Variants in LRRD1 observed in about 807,000 individuals in gnomAD.
The protein encoded by LRRD1 is leucine-rich repeat and death domain-containing protein 1.
In LRRD1, 49 loss-of-function variants were observed where a neutral mutation model predicts 69.5. That is an observed-to-expected ratio of 0.70 (90% CI 0.56 to 0.89). LRRD1 has a LOEUF of 0.89. LRRD1 is among the 40% of genes least tolerant of loss of function. The pLI, the probability that LRRD1 is intolerant of heterozygous loss-of-function variation, is 0.00. For missense variants in LRRD1, 853 were observed against 956.0 expected (o/e 0.89, Z 1.42); for synonymous variants, 303 against 338.9 (o/e 0.89, Z 1.16).
At chr7:92,177,170 G>C (rs964368423) in intron 1 of LRRD1, among the ~76,000 whole-genome samples, 1 of 150,680 alleles carries the variant, frequency 6.6e-6, no homozygotes, top group Admixed American at 6.6e-5. Context: ...TTATATTACT[G>C]AGTAAATGTA....
intron 1 of LRRD1, among the ~76,000 whole-genome samples, chr7:92,167,015 A>G (rs1008800759): frequency 6.6e-6 from 1 of 152,216 alleles, no homozygotes; most frequent in Non-Finnish European, 1.5e-5. Context: ...ATCCAAGCTC[A>G]TCTACAGTAA....
chr7:92,163,892 G>T lies in LRRD1; in HGVS notation c.1311C>A (p.Ile437=). 1 of 1,528,832 alleles carries T rather than the reference G, an allele frequency of 6.5e-7. No individual in the cohort carries two copies. The highest frequency in any genetic ancestry group is 1.2e-5 in the South Asian group (1 of 80,494). The allele number at this position is 1,528,832 out of a possible 1,614,324, so 94.7% of individuals were successfully genotyped here. Residue 437 remains isoleucine (I), a synonymous_variant, in exon 2 of 6, where the codon ATC becomes ATA. Transcript: ENST00000458448. ...GACTGCATATGTTATTAAGATGTGAGATACAGTCAGTTATTTTTACCATAT... is the reference window on the plus strand; with the variant it reads ...GACTGCATATGTTATTAAGATGTGATATACAGTCAGTTATTTTTACCATAT... The part of the protein sequence containing the change: ...RNNMVKITDC[I]SHLNNICSLE...
intron 1 of LRRD1, among the ~76,000 whole-genome samples, chr7:92,165,898 G>T (rs1383223967): frequency 6.6e-6 from 1 of 151,382 alleles, no homozygotes; most frequent in African/African-American, 2.4e-5. Flanking sequence ...ACATAAAAGG[G>T]AGAGCCAGTG....
At chr7:92,170,948 C>T (rs192113924) in intron 1 of LRRD1, among the ~76,000 whole-genome samples, 2 of 152,172 alleles carry the variant, frequency 1.3e-5, no homozygotes, top group East Asian at 3.9e-4. Flanking sequence ...TCATGAATGA[C>T]CATTGTGTCA....
intron 1 of LRRD1, among the ~76,000 whole-genome samples, chr7:92,169,359 T>C (rs999300685): frequency 2.0e-5 from 3 of 151,780 alleles, no homozygotes; most frequent in African/African-American, 7.3e-5. Context: ...AACAGAAATG[T>C]TGGAACTGAG....
chr7:92,165,729 C>T (rs1000069436), intron 1 of LRRD1, among the ~76,000 whole-genome samples: 9 of 151,862 alleles, frequency 5.9e-5, no homozygotes, highest in African/African-American at 2.2e-4. Flanking sequence ...GATGTGGTAG[C>T]GGGCGCCTGT....
Position 92,150,542 on chromosome 7 carries a change from T to A in LRRD1, c.2270A>T (p.Glu757Val). Residue 757 changes from glutamate (E) to valine (V), a missense_variant, in exon 4 of 6, where the codon GAA (glutamate) becomes GTA (valine). Physicochemically the swap from Glu to Val is moderately radical, Grantham distance 121. This residue lies in a region of LRRD1 where 739 missense variants were observed against 808.0 expected (regional missense o/e 0.91). Coordinates refer to ENST00000458448, the MANE Select transcript of LRRD1 (RefSeq NM_001161528.2). ...AATCACTCATCACCTACCATCTCTT[T>A]CATCTGCCCTCTGTAGATAGCGTGC... ...TIARYLQRAD[E>V]RDEKILEKIF... is the part of the protein sequence containing the mutation. 6.5e-7 allele frequency: 1 copy of A among 1,538,824 alleles called. No individual in the cohort carries two copies. The highest frequency in any genetic ancestry group is 8.8e-7 in the Non-Finnish European group (1 of 1,141,400).
At chr7:92,151,284 T>G (rs1393609979) in intron 3 of LRRD1, among the ~76,000 whole-genome samples, 2 of 152,224 alleles carry the variant, frequency 1.3e-5, no homozygotes, top group Non-Finnish European at 2.9e-5. Context: ...TTTCATGACC[T>G]TGACAGTTTT....
chr7:92,151,661 G>C lies in LRRD1; in HGVS notation c.2117-966C>G, dbSNP rs376621029. ...CCATCCTAATCCAATGTAAACCTAA[G>C]ATAAAAAGTAAAACCAGTGGTTCAC... On this transcript the variant is annotated intron_variant, in intron 3 of 5. Coordinates refer to ENST00000458448, the MANE Select transcript of LRRD1 (RefSeq NM_001161528.2). Among the ~76,000 whole-genome samples, 68 of 151,996 alleles carry C rather than the reference G, an allele frequency of 4.5e-4. 1 individual carries two copies. The East Asian group carries it at 5.2e-3, about 12-fold the overall frequency.
intron 1 of LRRD1, among the ~76,000 whole-genome samples, chr7:92,168,229 A>G (rs1410720327): frequency 6.6e-6 from 1 of 152,186 alleles, no homozygotes; most frequent in African/African-American, 2.4e-5. Context: ...TTTTATTGTG[A>G]TTCAGTTTCT....
intron 2 of LRRD1, among the ~76,000 whole-genome samples, chr7:92,159,413 A>G (rs564076416): frequency 2.0e-5 from 3 of 152,128 alleles, no homozygotes; most frequent in East Asian, 1.9e-4. Context: ...TACCTCCCCA[A>G]TCTGACCAAT....
chr7:92,148,066 G>A (rs928672719), intron 4 of LRRD1, among the ~76,000 whole-genome samples: 8 of 152,036 alleles, frequency 5.3e-5, no homozygotes, highest in African/African-American at 1.4e-4. Context: ...TCAGCCTCCC[G>A]AGTAGCTGGA....
intron 3 of LRRD1, among the ~76,000 whole-genome samples, chr7:92,151,413 C>G (rs1293685908): frequency 6.6e-6 from 1 of 152,190 alleles, no homozygotes; most frequent in Non-Finnish European, 1.5e-5. Context: ...GTGAAGTGCA[C>G]TTATCACATT....
At chr7:92,151,843 G>A (rs539281747) in intron 3 of LRRD1, among the ~76,000 whole-genome samples, 5 of 151,944 alleles carry the variant, frequency 3.3e-5, no homozygotes, top group African/African-American at 9.6e-5. Flanking sequence ...CAGCTACTCA[G>A]GAGGCTGAGA....
At position 92,158,785 on chromosome 7, in the gene LRRD1, T is replaced by C. The variant is rs547102591; in HGVS notation, c.2116+220A>G. ...GGGTATAGGCAGAGAAGAGAGAAAATAAATGAAAATATGTTCAGGCTCTCC... is the reference window on the plus strand; with the variant it reads ...GGGTATAGGCAGAGAAGAGAGAAAACAAATGAAAATATGTTCAGGCTCTCC... On this transcript the variant is annotated intron_variant, in intron 3 of 5. Transcript: ENST00000458448. 1.2e-3 allele frequency among the ~76,000 whole-genome samples: 183 copies of C among 152,134 alleles called. 3 individuals carry two copies. Among genetic ancestry groups the C allele is most frequent in the Admixed American group, 0.011 (162 of 15,282 alleles).
intron 1 of LRRD1, among the ~76,000 whole-genome samples, chr7:92,170,195 CAAAAAAA>C (rs1789022557): frequency 6.7e-6 from 1 of 149,580 alleles, no homozygotes; most frequent in Admixed American, 6.7e-5. Flanking sequence ...AGAAAGTACT[CAAAAAAA>C]GAGAAAAGAA....
chr7:92,174,499 A>G (rs868399181), intron 1 of LRRD1, among the ~76,000 whole-genome samples: 229 of 18,776 alleles, frequency 0.012, 1 homozygote, highest in African/African-American at 0.039. Context: ...ATATATATAT[A>G]TATATATATA....
intron 3 of LRRD1, among the ~76,000 whole-genome samples, chr7:92,153,305 T>G (rs1034603878): frequency 1.3e-5 from 2 of 151,824 alleles, no homozygotes; most frequent in African/African-American, 4.8e-5. Flanking sequence ...CCTCAAGCGA[T>G]CCACCTGCCT....
At chr7:92,168,406 C>G (rs1480424904) in intron 1 of LRRD1, among the ~76,000 whole-genome samples, 1 of 152,100 alleles carries the variant, frequency 6.6e-6, no homozygotes, top group Non-Finnish European at 1.5e-5. Context: ...CCATTCCCAG[C>G]CCTGAAATTC....
Sources: allele counts gnomAD v4.1 joint callset (sites outside exome capture counted in the v4.1 genomes callset), GRCh38; gene constraint gnomAD v4.1.1; regional missense constraint gnomAD v4.1.1; transcripts MANE v1.5; gene names NCBI Gene and HGNC (gene_info 2026-07-23, HGNC 2026-07-21).